ITPR1: variants seen among roughly 807,000 people sequenced by gnomAD.
The protein encoded by ITPR1 is inositol 1,4,5-trisphosphate-gated calcium channel ITPR1.
A neutral mutation model predicts 318.4 loss-of-function variants in ITPR1; 96 were observed. The ratio of observed to expected loss-of-function variants is 0.30; its 90% CI spans 0.26 to 0.36. The LOEUF (loss-of-function observed/expected upper bound fraction) is 0.36, where lower values mean the gene tolerates loss of function less well. Ranked by LOEUF, ITPR1 falls within the 10% of genes least tolerant of loss-of-function variation. The pLI, the probability that ITPR1 is intolerant of heterozygous loss-of-function variation, is 1.00. For synonymous variants in ITPR1, 1,312 were observed against 1,289.9 expected (o/e 1.02, Z -0.37); for missense variants, 2,440 against 3,460.2 (o/e 0.71, Z 7.40).
chr3:4,739,552 T>C (rs2043546491), intron 44 of ITPR1, among the ~76,000 whole-genome samples: 2 of 152,152 alleles, frequency 1.3e-5, no homozygotes, highest in Admixed American at 1.3e-4. Context: ...GCACAGTGGC[T>C]CAAGGAAACA....
chr3:4,576,047 G>A (rs2088621383), intron 4 of ITPR1, among the ~76,000 whole-genome samples: 1 of 151,596 alleles, frequency 6.6e-6, no homozygotes, highest in Admixed American at 6.6e-5. Flanking sequence ...AAATGTGGCT[G>A]GTGATAAGAG....
chr3:4,627,789 A>T lies in ITPR1; in HGVS notation c.190A>T (p.Asn64Tyr). ...CTGCCTCTTTAAGCTATGTCCCATG[A>T]ACCGCTACTCTGCCCAAAAGCAGTT... ...RDCLFKLCPM[N>Y]RYSAQKQFWK... Residue 64 changes from asparagine (N) to tyrosine (Y), a missense_variant, in exon 5 of 62, where the codon AAC becomes TAC. By Grantham distance (143) the Asn-to-Tyr change is moderately radical (BLOSUM62 -2). Coordinates refer to ENST00000649015, the MANE Select transcript of ITPR1 (RefSeq NM_001378452.1). 4.3e-6 allele frequency: 7 copies of T among 1,613,582 alleles called. No homozygotes were observed. The highest frequency in any genetic ancestry group is 5.9e-6 in the Non-Finnish European group (7 of 1,179,644).
chr3:4,714,157 A>G (rs2041594492), intron 39 of ITPR1, among the ~76,000 whole-genome samples: 1 of 152,110 alleles, frequency 6.6e-6, no homozygotes, highest in Admixed American at 6.5e-5. Flanking sequence ...CCGTTTGACT[A>G]AAGAAGCATG....
chr3:4,793,790 G>T (rs1035263095), intron 52 of ITPR1, among the ~76,000 whole-genome samples: 2 of 152,144 alleles, frequency 1.3e-5, no homozygotes, highest in African/African-American at 4.8e-5. Context: ...TACAATGAGG[G>T]ATTTTAAACT....
intron 44 of ITPR1, among the ~76,000 whole-genome samples, chr3:4,746,991 C>A (rs923641618): frequency 3.3e-5 from 5 of 152,156 alleles, no homozygotes; most frequent in Admixed American, 6.5e-5. Flanking sequence ...AGCCTTCTTA[C>A]CATTTTTGAA....
intron 61 of ITPR1, among the ~76,000 whole-genome samples, chr3:4,845,561 C>T (rs75289994): frequency 0.011 from 1,751 of 152,262 alleles, 26 homozygotes; most frequent in African/African-American, 0.035. Flanking sequence ...AAATAGATAC[C>T]GTGAATGGTC....
intron 40 of ITPR1, 139 bp downstream of exon 40, chr3:4,717,538 G>A: frequency 1.3e-6 from 1 of 765,202 alleles, no homozygotes; most frequent in South Asian, 1.4e-5. Context: ...CTGGGAGTGA[G>A]TGGAGTCTGT....
intron 4 of ITPR1, among the ~76,000 whole-genome samples, chr3:4,571,815 G>A (rs559565324): frequency 2.0e-4 from 31 of 152,218 alleles, no homozygotes; most frequent in African/African-American, 6.7e-4. Context: ...ACCAGAACTG[G>A]GACTGCTAGA....
At chr3:4,745,712 G>C (rs906772424) in intron 44 of ITPR1, among the ~76,000 whole-genome samples, 1 of 152,040 alleles carries the variant, frequency 6.6e-6, no homozygotes, top group South Asian at 2.1e-4. Context: ...TACAGCTCTC[G>C]GTCCCACCTC....
At chr3:4,525,866 T>C (rs1204689084) in intron 4 of ITPR1, among the ~76,000 whole-genome samples, 1 of 152,276 alleles carries the variant, frequency 6.6e-6, no homozygotes, top group East Asian at 1.9e-4. Flanking sequence ...GCTCCCCCGG[T>C]GCTAAATATA....
chr3:4,608,440 G>A (rs1248987845), intron 4 of ITPR1, among the ~76,000 whole-genome samples: 1 of 152,104 alleles, frequency 6.6e-6, no homozygotes, highest in Non-Finnish European at 1.5e-5. Context: ...CACTCACTCT[G>A]TTGTATTCAT....
chr3:4,638,859 C>T (rs529318471), intron 5 of ITPR1, among the ~76,000 whole-genome samples: 1 of 152,246 alleles, frequency 6.6e-6, no homozygotes, highest in African/African-American at 2.4e-5. Flanking sequence ...TACAGTGTAT[C>T]AGGTACCGTG....
chr3:4,650,605 T>TTGTGTGTGTG (rs752768399), intron 10 of ITPR1, among the ~76,000 whole-genome samples: 3,129 of 133,194 alleles, frequency 0.023, 147 homozygotes, highest in Non-Finnish European at 0.034. Context: ...TGATATGCCT[T>TTGTGTGTGTG]AGTGTGTGTG....
In ITPR1 at chr3:4,634,463, C is replaced by T. The variant is rs1209829075; in HGVS notation, c.280-4921C>T. 4.6e-5 allele frequency among the ~76,000 whole-genome samples: 7 copies of T among 151,984 alleles called. No individual in the cohort carries two copies. The East Asian group carries it at 1.2e-3, about 25-fold the overall frequency. ...CTGAGCTGAAGCAATCCACCCACCTCGGCCTCCCAAAGTGCCAGGATTACA... is the reference window on the plus strand; with the variant it reads ...CTGAGCTGAAGCAATCCACCCACCTTGGCCTCCCAAAGTGCCAGGATTACA... On this transcript the variant is annotated intron_variant, in intron 5 of 61. Coordinates refer to ENST00000649015, the MANE Select transcript of ITPR1 (RefSeq NM_001378452.1).
chr3:4,608,553 C>G (rs963805219), intron 4 of ITPR1, among the ~76,000 whole-genome samples: 3 of 151,952 alleles, frequency 2.0e-5, no homozygotes, highest in Admixed American at 6.6e-5. Flanking sequence ...GATTTTAGCC[C>G]CCAGAAGACA....
In ITPR1 at chr3:4,779,759, A is replaced by G; in HGVS notation, c.6387+114A>G. 4 of 667,620 alleles carry G rather than the reference A, an allele frequency of 6.0e-6. No homozygotes were observed. Among genetic ancestry groups the G allele is most frequent in the Middle Eastern group, 2.6e-4 (1 of 3,828 alleles). 41.4% of individuals were successfully genotyped at this position (667,620 alleles called of 1,614,324 possible). A position where few individuals can be genotyped will look rare whatever the true frequency, so the allele number is the denominator to read the frequency against. Reference sequence around the variant, plus strand: ...CTTGAAGGTTCCCAAAGTCAGAAGTATAAAGGGAACATTGAATTCAGGCCT... The same window carrying G: ...CTTGAAGGTTCCCAAAGTCAGAAGTGTAAAGGGAACATTGAATTCAGGCCT... On this transcript the variant is annotated intron_variant, in intron 49 of 61. Transcript: ENST00000649015. This position sits in a 1 kb window ranked among gnomAD's most constrained non-coding sequence, Gnocchi z 4.0.
At chr3:4,651,442 G>C (rs1028947678) in intron 10 of ITPR1, among the ~76,000 whole-genome samples, 9 of 152,138 alleles carry the variant, frequency 5.9e-5, no homozygotes, top group Non-Finnish European at 1.3e-4. Flanking sequence ...ATCCAGAGAG[G>C]ACCCTCAGGT....
chr3:4,543,763 T>C (rs1234549791), intron 4 of ITPR1, among the ~76,000 whole-genome samples: 1 of 152,238 alleles, frequency 6.6e-6, no homozygotes, highest in East Asian at 1.9e-4. Context: ...CTGTTAGGAA[T>C]GATTTTGACT....
chr3:4,656,771 C>A (rs990652042), intron 12 of ITPR1, among the ~76,000 whole-genome samples: 11 of 152,154 alleles, frequency 7.2e-5, no homozygotes, highest in Non-Finnish European at 1.5e-4. Flanking sequence ...GGAAAGGGGG[C>A]AGAGCTTCAG....
Sources: gnomAD v4.1 joint callset for allele counts (sites outside exome capture counted in the v4.1 genomes callset) on GRCh38, gnomAD v4.1.1 for gene constraint, Gnocchi (gnomAD v3.1) non-coding constraint, MANE v1.5 for transcripts, NCBI Gene and HGNC (gene_info 2026-07-23, HGNC 2026-07-21) for gene names.